PDE10A: variants seen among roughly 807,000 people sequenced by gnomAD.
PDE10A encodes phosphodiesterase 10A, also known as cAMP and cAMP-inhibited cGMP 3',5'-cyclic phosphodiesterase 10A.
In PDE10A, 39 loss-of-function variants were observed where a neutral mutation model predicts 97.7. That is an observed-to-expected ratio of 0.40 (90% confidence interval 0.31 to 0.52). PDE10A has a LOEUF of 0.52. PDE10A is among the 20% of genes least tolerant of loss of function. The probability of loss-of-function intolerance (pLI) is 0.56; values close to 1 mark genes in which losing one functional copy is unlikely to be tolerated. For missense variants in PDE10A, 731 were observed against 1,047.8 expected, an observed-to-expected ratio of 0.70 and a Z score of 4.17; for synonymous variants, 371 against 376.8, an observed-to-expected ratio of 0.98 and a Z score of 0.18.
chr6:165,352,937 G>A (rs1252573985), intron 18 of PDE10A, among the ~76,000 whole-genome samples: 1 of 152,036 alleles, frequency 6.6e-6, no homozygotes, highest in South Asian at 2.1e-4. Flanking sequence ...ATTGGCAAAA[G>A]GCATATCTGA....
intron 1 of PDE10A, among the ~76,000 whole-genome samples, chr6:165,941,043 C>T (rs1783501068): frequency 6.6e-6 from 1 of 151,076 alleles, no homozygotes; most frequent in Non-Finnish European, 1.5e-5. Context: ...GGCAATACAG[C>T]GAGATAAGAG....
At chr6:165,795,881 C>T (rs188291793) in intron 1 of PDE10A, among the ~76,000 whole-genome samples, 1 of 152,206 alleles carries the variant, frequency 6.6e-6, no homozygotes, top group East Asian at 1.9e-4. Context: ...AAAAGAATAC[C>T]ACCTTACAGT....
intron 1 of PDE10A, among the ~76,000 whole-genome samples, chr6:165,972,955 C>T (rs1784731761): frequency 6.6e-6 from 1 of 152,006 alleles, no homozygotes; most frequent in Admixed American, 6.5e-5. Flanking sequence ...CATTCCCACC[C>T]TCTCTCCTTC....
chr6:165,678,768 G>GA (rs34910756), intron 1 of PDE10A, among the ~76,000 whole-genome samples: 9 of 152,104 alleles, frequency 5.9e-5, no homozygotes, highest in African/African-American at 1.9e-4. Context: ...TACCAAAAAA[G>GA]AAAAAAATAT....
rs1583057947 is a variant in PDE10A, at chr6:165,335,976, G to C, written c.3065+147C>G. 1.6e-5 allele frequency: 11 copies of C among 699,910 alleles called. No homozygotes were observed. The East Asian group carries it at 2.4e-4, about 16-fold the overall frequency. The allele number at this position is 699,910 out of a possible 1,614,324, so 43.4% of individuals were successfully genotyped here. On this transcript the variant is annotated intron_variant, in intron 21 of 21. Transcript: ENST00000539869. ...AGAAGTCGTGGCCCTGGGGAAGCCA[G>C]GTAAGGAGGCCCCGAGTCCCTGAGC...
At chr6:165,700,715 G>T (rs1341900804) in intron 1 of PDE10A, among the ~76,000 whole-genome samples, 1 of 152,156 alleles carries the variant, frequency 6.6e-6, no homozygotes, top group African/African-American at 2.4e-5. Flanking sequence ...GCACCACAAG[G>T]CTACCTTCCA....
intron 1 of PDE10A, chr6:165,774,782 C>T (rs1778122246): frequency 2.0e-5 from 3 of 148,106 alleles, no homozygotes; most frequent in Non-Finnish European, 4.5e-5. Context: ...ATTATAGTTC[C>T]TCATTCTGGG....
chr6:165,499,207 T>TCAGGGGAC (rs1302310403), intron 2 of PDE10A, among the ~76,000 whole-genome samples: 2 of 152,100 alleles, frequency 1.3e-5, no homozygotes, highest in East Asian at 3.9e-4. Flanking sequence ...AAGAGTCTGA[T>TCAGGGGAC]CAGGGGACCA....
At chr6:165,346,166 G>A (rs746093637) in intron 18 of PDE10A, among the ~76,000 whole-genome samples, 1 of 152,122 alleles carries the variant, frequency 6.6e-6, no homozygotes, top group Non-Finnish European at 1.5e-5. Flanking sequence ...TATTAAAGAG[G>A]ATCACTCAGG....
At chr6:165,335,938 T>G (rs1781616702) in intron 21 of PDE10A, among the ~76,000 whole-genome samples, 185 bp downstream of exon 21, 1 of 152,100 alleles carries the variant, frequency 6.6e-6, no homozygotes, top group Non-Finnish European at 1.5e-5. Context: ...TGAGGAGAAT[T>G]GAACCAAAGG....
intron 1 of PDE10A, among the ~76,000 whole-genome samples, chr6:165,848,677 A>G (rs1780490235): frequency 6.6e-6 from 1 of 152,190 alleles, no homozygotes; most frequent in Non-Finnish European, 1.5e-5. Flanking sequence ...AGGTTGGCAG[A>G]ACAATGGCCC....
intron 1 of PDE10A, among the ~76,000 whole-genome samples, chr6:165,877,661 G>A (rs1781378439): frequency 6.6e-6 from 1 of 151,948 alleles, no homozygotes; most frequent in African/African-American, 2.4e-5. Flanking sequence ...TAAATAATGG[G>A]ATACTTAAAA....
chr6:165,588,324 C>G (rs1291021272), intron 1 of PDE10A, among the ~76,000 whole-genome samples: 1 of 47,952 alleles, frequency 2.1e-5, no homozygotes, highest in Non-Finnish European at 3.8e-5. Context: ...GAGTTTTGCT[C>G]TTTTTGCCCA....
intron 3 of PDE10A, among the ~76,000 whole-genome samples, chr6:165,470,347 CT>C: frequency 6.6e-6 from 1 of 152,282 alleles, no homozygotes; most frequent in East Asian, 1.9e-4. Flanking sequence ...GTCAACTGCA[CT>C]TTTTGAACAC....
At chr6:165,633,810 T>A (rs921516517) in intron 1 of PDE10A, among the ~76,000 whole-genome samples, 1 of 146,968 alleles carries the variant, frequency 6.8e-6, no homozygotes, top group South Asian at 2.2e-4. Context: ...TTTTTTTTCG[T>A]ATTTTTATAG....
chr6:165,950,318 T>A (rs1562814164), intron 1 of PDE10A, among the ~76,000 whole-genome samples: 1 of 152,238 alleles, frequency 6.6e-6, no homozygotes. Context: ...ATAAGTTTTT[T>A]ACCCAACAAG....
intron 1 of PDE10A, among the ~76,000 whole-genome samples, chr6:165,913,500 T>C (rs753184120): frequency 6.6e-6 from 1 of 152,262 alleles, no homozygotes; most frequent in Non-Finnish European, 1.5e-5. Flanking sequence ...TAAATAATTA[T>C]TACACTAGAT....
intron 1 of PDE10A, among the ~76,000 whole-genome samples, chr6:165,885,132 T>C (rs1781593810): frequency 6.6e-6 from 1 of 152,116 alleles, no homozygotes. Context: ...CTCACAAAGA[T>C]TCCAGATGAA....
rs1781250366 is a variant in PDE10A, at chr6:165,329,977, T to C, written c.*3048A>G. 6.6e-6 allele frequency: 1 copy of C among 152,230 alleles called. No homozygotes were observed. Among genetic ancestry groups the C allele is most frequent in the African/African-American group, 2.4e-5 (1 of 41,460 alleles). The allele number at this position is 152,230 out of a possible 1,614,324, so 9.4% of individuals were successfully genotyped here. On this transcript the variant is annotated 3_prime_UTR_variant, in exon 22 of 22. Coordinates refer to ENST00000539869, the MANE Select transcript of PDE10A (RefSeq NM_001385079.1). ...TTAGTTTCCACATCCATTGTATTTC[T>C]TTTGACCCTTTTCTAATTAATCAAT...
Sources: allele counts gnomAD v4.1 joint callset (sites outside exome capture counted in the v4.1 genomes callset), GRCh38; gene constraint gnomAD v4.1.1; transcripts MANE v1.5; gene names NCBI Gene and HGNC (gene_info 2026-07-23, HGNC 2026-07-21).